Variants in FBXW9 observed in about 807,000 individuals in gnomAD.
FBXW9 encodes F-box and WD repeat domain containing 9.
FBXW9 carries 38 observed loss-of-function variants against 55.8 expected under a neutral mutation model. The ratio of observed to expected loss-of-function variants is 0.68; its 90% confidence interval spans 0.53 to 0.89. The LOEUF is 0.89. Among genes scored for constraint, FBXW9 ranks in the 40% least tolerant of loss-of-function variants. The probability of loss-of-function intolerance (pLI) is 0.00; values close to 1 mark genes in which losing one functional copy is unlikely to be tolerated. For synonymous variants in FBXW9, 289 were observed against 278.2 expected (o/e 1.04, Z -0.38); for missense variants, 590 against 619.4 (o/e 0.95, Z 0.50).
intron 3 of FBXW9, among the ~76,000 whole-genome samples, chr19:12,693,501 GAAAAAAAAAAAAAA>G (rs1214446276): frequency 7.0e-3 from 15 of 2,128 alleles, no homozygotes; most frequent in Non-Finnish European, 0.012. Context: ...TCTACTAAAG[GAAAAAAAAAAAAAA>G]AAAAAAAAAA....
chr19:12,692,620 C>T (rs966360325), intron 3 of FBXW9, among the ~76,000 whole-genome samples: 5 of 151,842 alleles, frequency 3.3e-5, no homozygotes, highest in Admixed American at 2.0e-4. Context: ...CTCCCGGGTT[C>T]ATGCCATTCT....
Position 12,695,702 on chromosome 19 carries a change from T to A in FBXW9, c.409+471A>T, listed in dbSNP as rs2145412434. Among the ~76,000 whole-genome samples the A allele has an allele frequency of 1.3e-5, 2 of 152,284 alleles. 1 individual carries two copies. The highest frequency in any genetic ancestry group is 6.8e-3 in the Middle Eastern group (2 of 294). On this transcript the variant is annotated intron_variant, in intron 1 of 9. Transcript: ENST00000393261. ...CAAGAGCCACTGTCTCACCCCTAAC[T>A]GGGTCAAGGCTCTAGGGCTCAGGAG...
chr19:12,694,789 C>G lies in FBXW9; in HGVS notation c.549+10G>C. The G allele has an allele frequency of 6.2e-7, 1 of 1,613,866 alleles. No homozygotes were observed. ...CCACCCTGCCTGGCCCCCCACAGACCCCGTCTCACCTGGAGCAGCAGCACT... is the reference window on the plus strand; with the variant it reads ...CCACCCTGCCTGGCCCCCCACAGACGCCGTCTCACCTGGAGCAGCAGCACT... On this transcript the variant is annotated intron_variant, in intron 2 of 9. Coordinates refer to ENST00000393261, the MANE Select transcript of FBXW9 (RefSeq NM_032301.3).
In FBXW9 at chr19:12,696,389, G is replaced by T; in HGVS notation, c.193C>A (p.Pro65Thr). The change falls in exon 1 of 10, where the codon CCT becomes ACT. Residue 65 changes from proline (P) to threonine (T), a missense_variant. Coordinates refer to ENST00000393261, the MANE Select transcript of FBXW9 (RefSeq NM_032301.3). ...TPAASPSASEPRAASRVSAVS... is the reference protein window; with the variant it reads ...TPAASPSASETRAASRVSAVS... ...GCCGAAACCCTGGACGCGGCCCGAG[G>T]CTCCGAAGCGCTCGGGGACGCGGCG... 1 of 1,611,540 alleles carries T rather than the reference G, an allele frequency of 6.2e-7. No individual in the cohort carries two copies. Among genetic ancestry groups the T allele is most frequent in the Non-Finnish European group, 8.5e-7 (1 of 1,179,420 alleles).
Position 12,696,258 on chromosome 19 carries a change from G to A in FBXW9, c.324C>T (p.His108=), listed in dbSNP as rs1487078339. The A allele has an allele frequency of 7.6e-6, 12 of 1,569,324 alleles. No individual in the cohort carries two copies. In the African/African-American group the frequency reaches 8.1e-5, roughly 11 times the overall value. The change falls in exon 1 of 10, where the codon CAC becomes CAT. Residue 108 remains histidine, a synonymous_variant. Coordinates refer to ENST00000393261, the MANE Select transcript of FBXW9 (RefSeq NM_032301.3). ...GGTCAGACACGAGGTCGCGGAGCGC[G>A]TGGCACACCCGCGACAGGACGTGGA... The part of the protein sequence containing the change: ...LVLHVLSRVC[H]ALRDLVSDHV...
rs747368974 is a variant in FBXW9, at chr19:12,694,824, G to A, written c.524C>T (p.Ser175Phe). ...CTGGAGCAGCAGCACTGAGTCAACG[G>A]AAGCCACGTGGCCTTCGGCCAGGCA... ...YFCLAEGHVA[S>F]VDSVLLLQGG... Residue 175 changes from serine to phenylalanine, a missense_variant, in exon 2 of 10, where the codon TCC becomes TTC. Coordinates refer to ENST00000393261, the MANE Select transcript of FBXW9 (RefSeq NM_032301.3). 76 of 1,614,014 alleles carry A rather than the reference G, an allele frequency of 4.7e-5. No individual in the cohort carries two copies. Among genetic ancestry groups the A allele is most frequent in the Admixed American group, 2.2e-4 (13 of 60,004 alleles).
At chr19:12,693,555 TATATATACACACAC>T (rs1372919443) in intron 3 of FBXW9, among the ~76,000 whole-genome samples, 427 of 20,436 alleles carry the variant, frequency 0.021, 2 homozygotes, top group Admixed American at 0.03. Flanking sequence ...TATATATATA[TATATATACACACAC>T]ACACACACAC....
In FBXW9 at chr19:12,694,945, G is replaced by T. The variant is rs2025056401; in HGVS notation, c.410-7C>A. 3 of 1,611,074 alleles carry T rather than the reference G, an allele frequency of 1.9e-6. No individual in the cohort carries two copies. Among genetic ancestry groups the T allele is most frequent in the Non-Finnish European group, 2.5e-6 (3 of 1,179,658 alleles). On this transcript the variant is annotated splice_region_variant and splice_polypyrimidine_tract_variant and intron_variant, in intron 1 of 9. Transcript: ENST00000393261. ...GGCCAGTCAAAGTTCTTCTCTGTGG[G>T]TTACCACGAGTAGGGTGCCCAGTGG...
chr19:12,694,305 T>G (rs1191125462), intron 3 of FBXW9, among the ~76,000 whole-genome samples: 1 of 133,604 alleles, frequency 7.5e-6, no homozygotes, highest in East Asian at 2.2e-4. Flanking sequence ...CATGCCACAC[T>G]CCAGCCTGGG....
At position 12,692,525 on chromosome 19, in the gene FBXW9, CT is replaced by C. The variant is rs35134914; in HGVS notation, c.679-1072del. 5.2e-3 allele frequency among the ~76,000 whole-genome samples: 671 copies of C among 128,298 alleles called. 2 individuals are homozygous for C. Among genetic ancestry groups the C allele is most frequent in the Non-Finnish European group, 7.4e-3 (432 of 58,588 alleles). The allele number at this position is 128,298 out of a possible 152,430, so 84.2% of individuals were successfully genotyped here. A position where few individuals can be genotyped will look rare whatever the true frequency, so the allele number is the denominator to read the frequency against. ...ACAGGCGTGAGCCACTGCATCCGGT[CT>C]TTTTTTTTTTTTTGAGACATAGTAT... On this transcript the variant is annotated intron_variant, in intron 3 of 9. Transcript: ENST00000393261.
chr19:12,694,788 C>A lies in FBXW9; in HGVS notation c.549+11G>T, dbSNP rs759976228. 1 of 1,613,850 alleles carries A rather than the reference C, an allele frequency of 6.2e-7. No homozygotes were observed. Among genetic ancestry groups the A allele is most frequent in the East Asian group, 2.2e-5 (1 of 44,878 alleles). On this transcript the variant is annotated intron_variant, in intron 2 of 9. Coordinates refer to ENST00000393261, the MANE Select transcript of FBXW9 (RefSeq NM_032301.3). ...CCCACCCTGCCTGGCCCCCCACAGA[C>A]CCCGTCTCACCTGGAGCAGCAGCAC...
Position 12,689,661 on chromosome 19 carries a change from C to T in FBXW9, c.1147-31G>A, listed in dbSNP as rs768720098. The T allele has an allele frequency of 8.7e-6, 14 of 1,611,860 alleles. No homozygotes were observed. The highest frequency in any genetic ancestry group is 3.3e-5 in the Admixed American group (2 of 59,958). The stretch of plus-strand genomic sequence containing the variant: ...GGAGGAGGATCAGGCAACACTCAGT[C>T]GAGGCTCTCCCAAGGCCCGCCCTCC... On this transcript the variant is annotated intron_variant, in intron 7 of 9. Coordinates refer to ENST00000393261, the MANE Select transcript of FBXW9 (RefSeq NM_032301.3). The surrounding 1 kb of genome is among the most constrained non-coding windows in gnomAD (Gnocchi z 5.9).
rs756857227 is a variant in FBXW9, at chr19:12,690,239, A to C, written c.884-129T>G. 3.4e-6 allele frequency: 5 copies of C among 1,466,860 alleles called. No individual in the cohort carries two copies. The East Asian group carries it at 9.8e-5, about 29-fold the overall frequency. 90.9% of individuals were successfully genotyped at this position (1,466,860 alleles called of 1,614,324 possible). A position where few individuals can be genotyped will look rare whatever the true frequency, so the allele number is the denominator to read the frequency against. On this transcript the variant is annotated intron_variant, in intron 5 of 9. Coordinates refer to ENST00000393261, the MANE Select transcript of FBXW9 (RefSeq NM_032301.3). ...CGATCTGCTCATTCCCCCACCCCAC[A>C]GAGTGACCCATCTCTCCTCTCCCGC... is the stretch of plus-strand genomic sequence containing the variant.
At chr19:12,693,501 G>GAAAA (rs1214446276) in intron 3 of FBXW9, among the ~76,000 whole-genome samples, 2 of 2,134 alleles carry the variant, frequency 9.4e-4, no homozygotes, top group Non-Finnish European at 1.3e-3. Flanking sequence ...TCTACTAAAG[G>GAAAA]AAAAAAAAAA....
intron 3 of FBXW9, 104 bp downstream of exon 3, chr19:12,694,490 G>T: frequency 7.7e-7 from 1 of 1,297,912 alleles, no homozygotes; most frequent in Non-Finnish European, 1.0e-6. Flanking sequence ...ACCAAGGTTA[G>T]AAAAGTCAGA....
At chr19:12,692,546 T>C (rs1049719623) in intron 3 of FBXW9, among the ~76,000 whole-genome samples, 4 of 136,252 alleles carry the variant, frequency 2.9e-5, no homozygotes, top group African/African-American at 5.9e-5. Context: ...TTTTGAGACA[T>C]AGTATCGCTC....
In FBXW9 at chr19:12,690,021, C is replaced by T. The variant is rs999213921; in HGVS notation, c.973G>A (p.Glu325Lys). 8.7e-6 allele frequency: 14 copies of T among 1,613,944 alleles called. No homozygotes were observed. Among genetic ancestry groups the T allele is most frequent in the Admixed American group, 1.7e-5 (1 of 60,008 alleles). ...ADDRHIISGSEDHTLVVVDRR... is the reference protein window; with the variant it reads ...ADDRHIISGSKDHTLVVVDRR... ...TCCACCACCACCAGGGTGTGGTCCT[C>T]GCTGCCTGAGATGATGTGCCGGTCA... is the stretch of plus-strand genomic sequence containing the variant. Residue 325 changes from glutamate to lysine, a missense_variant, in exon 6 of 10, where the codon GAG (glutamate) becomes AAG (lysine). Coordinates refer to ENST00000393261, the MANE Select transcript of FBXW9 (RefSeq NM_032301.3).
rs1441321734 is a variant in FBXW9 at position 12,696,364 on chromosome 19, G to C, written c.218C>G (p.Ala73Gly). The C allele has an allele frequency of 4.4e-6, 7 of 1,607,922 alleles. No homozygotes were observed. The highest frequency in any genetic ancestry group is 1.6e-4 in the Middle Eastern group (1 of 6,074). The change falls in exon 1 of 10, where the codon GCC (alanine) becomes GGC (glycine). Residue 73 changes from alanine (A) to glycine (G), a missense_variant. Coordinates refer to ENST00000393261, the MANE Select transcript of FBXW9 (RefSeq NM_032301.3). ...GCTCAGAAGGCCCGGCTCACTTACGGCCGAAACCCTGGACGCGGCCCGAGG... is the reference window on the plus strand; with the variant it reads ...GCTCAGAAGGCCCGGCTCACTTACGCCCGAAACCCTGGACGCGGCCCGAGG... ...SEPRAASRVS[A>G]VSEPGLLSLP...
intron 3 of FBXW9, 79 bp from the exon 4 acceptor site, chr19:12,691,533 T>A: frequency 7.9e-7 from 1 of 1,272,454 alleles, no homozygotes; most frequent in Non-Finnish European, 1.1e-6. Flanking sequence ...TTTTTGCAGG[T>A]AAGGCTCAGA....
Sources: gnomAD v4.1 joint callset for allele counts (sites outside exome capture counted in the v4.1 genomes callset) on GRCh38, gnomAD v4.1.1 for gene constraint, Gnocchi (gnomAD v3.1) non-coding constraint, MANE v1.5 for transcripts, NCBI Gene and HGNC (gene_info 2026-07-23, HGNC 2026-07-21) for gene names.